The following IFI27 variants were observed in gnomAD, a reference collection of about 807,000 sequenced individuals.
IFI27 encodes the protein interferon alpha-inducible protein 27, mitochondrial.
IFI27 carries 3 observed loss-of-function variants against 8.9 expected under a neutral mutation model. The observed-to-expected ratio is 0.34, with a 90% CI of 0.15 to 0.87. The LOEUF (loss-of-function observed/expected upper bound fraction) is 0.87, where lower values mean the gene tolerates loss of function less well. Among genes scored for constraint, IFI27 ranks in the 40% least tolerant of loss-of-function variants. The probability of loss-of-function intolerance (pLI) is 0.51; values close to 1 mark genes in which losing one functional copy is unlikely to be tolerated. For missense variants in IFI27, 152 were observed against 157.7 expected (o/e 0.96, Z 0.19); for synonymous variants, 66 against 67.3 (o/e 0.98, Z 0.09).
intron 3 of IFI27, among the ~76,000 whole-genome samples, chr14:94,115,115 C>A (rs7150640): frequency 0.013 from 2,050 of 152,304 alleles, 60 homozygotes; most frequent in African/African-American, 0.046. Context: ...CAGCAGCCGG[C>A]AGAGGCCATT....
intron 3 of IFI27, among the ~76,000 whole-genome samples, chr14:94,115,101 G>A (rs1303577690): frequency 6.6e-6 from 1 of 152,234 alleles, no homozygotes; most frequent in Non-Finnish European, 1.5e-5. Context: ...TGGGCAGGGT[G>A]TGGCAGCAGC....
At chr14:94,113,366 G>A (rs1445638546) in intron 2 of IFI27, 1 of 152,230 alleles carries the variant, frequency 6.6e-6, no homozygotes, top group Non-Finnish European at 1.5e-5. Context: ...GCTAGGCATG[G>A]TGGTGCATGC....
upstream of IFI27, among the ~76,000 whole-genome samples, chr14:94,107,353 G>A (rs953652889): frequency 6.6e-6 from 1 of 152,166 alleles, no homozygotes; most frequent in African/African-American, 2.4e-5. Flanking sequence ...TTACAGGCGT[G>A]AGCCACCACT....
upstream of IFI27, among the ~76,000 whole-genome samples, chr14:94,109,409 A>T (rs1389843921): frequency 6.8e-6 from 1 of 146,400 alleles, no homozygotes; most frequent in African/African-American, 2.5e-5. Context: ...GGCAAGGGAA[A>T]GGAAAGGAAA....
chr14:94,108,408 A>G (rs1595402859), upstream of IFI27, among the ~76,000 whole-genome samples: 2 of 152,142 alleles, frequency 1.3e-5, no homozygotes, highest in South Asian at 4.2e-4. Context: ...GAACTGCTGG[A>G]CAAAAACTGT....
upstream of IFI27, among the ~76,000 whole-genome samples, chr14:94,106,477 AT>A (rs1398759649): frequency 6.6e-6 from 1 of 152,100 alleles, no homozygotes; most frequent in Non-Finnish European, 1.5e-5. Flanking sequence ...AACACTTTTT[AT>A]TTTCGGTTTT....
In IFI27 at chr14:94,111,949, G is replaced by A. The variant is rs1887209100; in HGVS notation, c.91+176G>A. The A allele has an allele frequency of 1.2e-5, 8 of 649,760 alleles. No individual in the cohort carries two copies. The East Asian group carries it at 1.4e-4, about 11-fold the overall frequency. The allele number at this position is 649,760 out of a possible 1,614,324, so 40.2% of individuals were successfully genotyped here. ...CTTTCCATCTGGGAGGGGGCCCGGGGCAGGCAGACTCTGGCCAGATGCCCA... is the reference window on the plus strand; with the variant it reads ...CTTTCCATCTGGGAGGGGGCCCGGGACAGGCAGACTCTGGCCAGATGCCCA... On this transcript the variant is annotated intron_variant, in intron 2 of 4. Coordinates refer to ENST00000621160, the Ensembl canonical transcript of IFI27. The surrounding 1 kb of genome is among the most constrained non-coding windows in gnomAD (Gnocchi z 4.3).
chr14:94,108,133 C>T (rs375889638), upstream of IFI27, among the ~76,000 whole-genome samples: 2 of 152,288 alleles, frequency 1.3e-5, no homozygotes, highest in African/African-American at 4.8e-5. Flanking sequence ...ATGATGGTTT[C>T]CAGCTTCATT....
chr14:94,109,815 T>A (rs1412277381), upstream of IFI27, among the ~76,000 whole-genome samples: 1 of 151,912 alleles, frequency 6.6e-6, no homozygotes, highest in Non-Finnish European at 1.5e-5. Flanking sequence ...ACACTACTCA[T>A]GTGGAAGATT....
chr14:94,115,801 C>T (rs747993172), exon 4 of IFI27: 1 of 1,606,444 alleles, frequency 6.2e-7, no homozygotes, highest in South Asian at 1.1e-5. Flanking sequence ...GGCGGCTGTG[C>T]CCATGGTGCT....
chr14:94,110,050 C>G (rs1486514178), upstream of IFI27, among the ~76,000 whole-genome samples: 1 of 152,212 alleles, frequency 6.6e-6, no homozygotes. Flanking sequence ...CCTCCTGCCT[C>G]TCTCCCCTGC....
In IFI27 at chr14:94,111,629, G is replaced by A. The variant is rs1159536397; in HGVS notation, c.-54G>A. 8.9e-6 allele frequency: 13 copies of A among 1,454,012 alleles called. 1 individual carries two copies. Among genetic ancestry groups the A allele is most frequent in the Middle Eastern group, 1.7e-4 (1 of 5,758 alleles). The allele number at this position is 1,454,012 out of a possible 1,614,324, so 90.1% of individuals were successfully genotyped here. ...AGAGCTCCATCCCTTCGGCAGGTCT[G>A]GCTGAAGTTGAGGATCTCTTACTCT... is the stretch of plus-strand genomic sequence containing the variant. On this transcript the variant is annotated 5_prime_UTR_variant, in exon 2 of 5. Coordinates refer to ENST00000621160, the Ensembl canonical transcript of IFI27. The surrounding 1 kb of genome is among the most constrained non-coding windows in gnomAD (Gnocchi z 4.3).
In IFI27 at chr14:94,111,845, G is replaced by A; in HGVS notation, c.91+72G>A. 1.7e-6 allele frequency: 2 copies of A among 1,147,790 alleles called. No individual in the cohort carries two copies. The highest frequency in any genetic ancestry group is 2.5e-5 in the South Asian group (2 of 81,462). 71.1% of individuals were successfully genotyped at this position (1,147,790 alleles called of 1,614,324 possible). On this transcript the variant is annotated intron_variant, in intron 2 of 4. Transcript: ENST00000621160. The surrounding 1 kb of genome is among the most constrained non-coding windows in gnomAD (Gnocchi z 4.3). ...GGGAAGGGCGGGGGTCCTGTCCCGGGACCCGTGGGAGAGAAAATGGGGGAC... is the reference window on the plus strand; with the variant it reads ...GGGAAGGGCGGGGGTCCTGTCCCGGAACCCGTGGGAGAGAAAATGGGGGAC...
At chr14:94,108,162 A>G (rs1887038017), upstream of IFI27, among the ~76,000 whole-genome samples, 1 of 152,224 alleles carries the variant, frequency 6.6e-6, no homozygotes. Flanking sequence ...TCCAAAGGAC[A>G]TGAACTCATC....
upstream of IFI27, among the ~76,000 whole-genome samples, chr14:94,106,072 G>T (rs1422869220): frequency 6.6e-6 from 1 of 152,214 alleles, no homozygotes; most frequent in Non-Finnish European, 1.5e-5. Flanking sequence ...CCCCCTTGGT[G>T]TCTGGTCAGG....
rs1489587820 is a variant in IFI27 at position 94,116,544 on chromosome 14, C to G, written c.*17C>G. ...TTCTACTAGCTCCCTGCCCCTCGCC[C>G]TGCAGAGAAGAGAACCATGCCAGGG... On this transcript the variant is annotated 3_prime_UTR_variant, in exon 5 of 5. Transcript: ENST00000621160. This position sits in a 1 kb window ranked among gnomAD's most constrained non-coding sequence, Gnocchi z 4.3. 6.3e-7 allele frequency: 1 copy of G among 1,598,284 alleles called. No homozygotes were observed. Among genetic ancestry groups the G allele is most frequent in the Non-Finnish European group, 8.5e-7 (1 of 1,169,604 alleles).
At chr14:94,109,466 A>G (rs1322800881), upstream of IFI27, among the ~76,000 whole-genome samples, 1 of 152,162 alleles carries the variant, frequency 6.6e-6, no homozygotes, top group Non-Finnish European at 1.5e-5. Flanking sequence ...GCAGCATCTT[A>G]CAAGACCTGG....
chr14:94,106,432 C>T (rs1164120547), upstream of IFI27, among the ~76,000 whole-genome samples: 2 of 152,184 alleles, frequency 1.3e-5, no homozygotes, highest in African/African-American at 2.4e-5. Flanking sequence ...ACGATCCCAC[C>T]AACAGTGTGC....
At chr14:94,109,338 GA>G (rs1378875285), upstream of IFI27, among the ~76,000 whole-genome samples, 1 of 141,740 alleles carries the variant, frequency 7.1e-6, no homozygotes, top group Non-Finnish European at 1.5e-5. Context: ...GAGGGGAGGG[GA>G]GGGCAGGGAA....
Sources: allele counts gnomAD v4.1 joint callset (sites outside exome capture counted in the v4.1 genomes callset), GRCh38; gene constraint gnomAD v4.1.1; non-coding constraint Gnocchi (gnomAD v3.1); transcripts MANE v1.5; gene names NCBI Gene and HGNC (gene_info 2026-07-23, HGNC 2026-07-21).